Variants in MARCHF1 observed in about 807,000 individuals in gnomAD.
MARCHF1 encodes the protein E3 ubiquitin-protein ligase MARCHF1.
MARCHF1 carries 40 observed loss-of-function variants against 54.2 expected under a neutral mutation model. The observed-to-expected ratio is 0.74, with a 90% confidence interval of 0.57 to 0.96. The LOEUF is 0.96. Among genes scored for constraint, MARCHF1 ranks in the 40% least tolerant of loss-of-function variants. The probability of loss-of-function intolerance (pLI) is 0.00; values close to 1 mark genes in which losing one functional copy is unlikely to be tolerated. For missense variants in MARCHF1, 586 were observed against 656.5 expected (o/e 0.89, Z 1.17); for synonymous variants, 236 against 236.3 (o/e 1.00, Z 0.01).
intron 1 of MARCHF1, among the ~76,000 whole-genome samples, chr4:164,202,965 C>G (rs1731495572): frequency 6.6e-6 from 1 of 152,080 alleles, no homozygotes; most frequent in Non-Finnish European, 1.5e-5. Context: ...TGTACACACA[C>G]ATATGTACAA....
intron 1 of MARCHF1, among the ~76,000 whole-genome samples, chr4:164,199,398 T>C (rs1263490530): frequency 6.6e-6 from 1 of 152,112 alleles, no homozygotes; most frequent in Non-Finnish European, 1.5e-5. Flanking sequence ...TCCCAGCACT[T>C]TGGAAAGCCA....
chr4:163,569,152 T>A (rs186163197), intron 8 of MARCHF1, among the ~76,000 whole-genome samples: 1 of 152,226 alleles, frequency 6.6e-6, no homozygotes, highest in Non-Finnish European at 1.5e-5. Flanking sequence ...GTACACGGTC[T>A]TTTGGAACAC....
At chr4:164,198,542 T>G (rs1224661115) in intron 1 of MARCHF1, among the ~76,000 whole-genome samples, 2 of 152,224 alleles carry the variant, frequency 1.3e-5, no homozygotes, top group African/African-American at 4.8e-5. Context: ...TGACAAAATA[T>G]GCTATATTAA....
At chr4:164,020,931 G>A (rs907488819) in intron 2 of MARCHF1, among the ~76,000 whole-genome samples, 7 of 152,154 alleles carry the variant, frequency 4.6e-5, no homozygotes, top group Non-Finnish European at 5.9e-5. Context: ...TAGTGACTAC[G>A]GTTAAGGCTT....
chr4:164,106,763 TAATAAAAATAAAA>T (rs1441391013), intron 2 of MARCHF1, among the ~76,000 whole-genome samples: 2 of 49,930 alleles, frequency 4.0e-5, no homozygotes, highest in South Asian at 5.6e-4. Flanking sequence ...ACTTGAAGTA[TAATAAAAATAAAA>T]AATAAAAAAA....
chr4:163,599,297 T>TTATATATATATATATATATATATGTATA (rs150458467), intron 7 of MARCHF1, among the ~76,000 whole-genome samples: 67 of 146,752 alleles, frequency 4.6e-4, no homozygotes, highest in African/African-American at 1.6e-3. Flanking sequence ...CTCAAAAAAA[T>TTATATATATATATATATATATATGTATA]TATATATATA....
chr4:163,952,071 C>G (rs918672591), intron 3 of MARCHF1, among the ~76,000 whole-genome samples: 1 of 152,164 alleles, frequency 6.6e-6, no homozygotes, highest in African/African-American at 2.4e-5. Context: ...TCTCCTACCC[C>G]CTTAAGACTC....
chr4:163,562,127 T>C (rs747909354), intron 8 of MARCHF1, among the ~76,000 whole-genome samples: 5 of 151,884 alleles, frequency 3.3e-5, no homozygotes, highest in Admixed American at 6.6e-5. Context: ...TGAAACCCCG[T>C]CTCTACTAAA....
At chr4:164,111,373 A>C (rs1462859235) in intron 2 of MARCHF1, among the ~76,000 whole-genome samples, 2 of 151,794 alleles carry the variant, frequency 1.3e-5, no homozygotes, top group East Asian at 3.9e-4. Context: ...TGCCCAGTAG[A>C]TACAAGGAAA....
chr4:164,370,172 A>G (rs1730996853), intron 1 of MARCHF1, among the ~76,000 whole-genome samples: 1 of 152,188 alleles, frequency 6.6e-6, no homozygotes, highest in African/African-American at 2.4e-5. Context: ...ATGCCTTCCA[A>G]TCTCAACAGA....
chr4:164,101,557 C>T (rs1755561470), intron 2 of MARCHF1, among the ~76,000 whole-genome samples: 1 of 130,978 alleles, frequency 7.6e-6, no homozygotes, highest in African/African-American at 2.8e-5. Flanking sequence ...AGGGTCCTCT[C>T]TGTTAGAAGG....
At chr4:164,123,970 T>C (rs1212892121) in intron 1 of MARCHF1, among the ~76,000 whole-genome samples, 4 of 151,752 alleles carry the variant, frequency 2.6e-5, no homozygotes, top group Non-Finnish European at 5.9e-5. Flanking sequence ...AGACAATCCA[T>C]AGAATGGAAG....
chr4:164,163,070 G>T (rs370612452), intron 1 of MARCHF1, among the ~76,000 whole-genome samples: 2 of 151,918 alleles, frequency 1.3e-5, no homozygotes, highest in East Asian at 1.9e-4. Flanking sequence ...GAACATTTCA[G>T]AAAAAGACAA....
intron 4 of MARCHF1, among the ~76,000 whole-genome samples, chr4:163,724,681 G>C (rs907109668): frequency 4.6e-5 from 7 of 152,144 alleles, no homozygotes; most frequent in African/African-American, 1.7e-4. Flanking sequence ...CTGCCACTTT[G>C]TTTACCTACT....
chr4:163,716,415 G>A (rs10019891), intron 4 of MARCHF1, among the ~76,000 whole-genome samples: 71,908 of 151,966 alleles, frequency 0.47, 17,085 homozygotes, highest in Admixed American at 0.51. Context: ...ACATTCTTAG[G>A]TGTTGATGCT....
chr4:163,789,631 T>G (rs1308415431), intron 4 of MARCHF1, among the ~76,000 whole-genome samples: 1 of 152,054 alleles, frequency 6.6e-6, no homozygotes, highest in Non-Finnish European at 1.5e-5. Flanking sequence ...AAGTCTGTGG[T>G]GGGGCATAAA....
intron 1 of MARCHF1, among the ~76,000 whole-genome samples, chr4:164,339,573 T>C (rs113444163): frequency 2.2e-4 from 34 of 152,084 alleles, no homozygotes; most frequent in African/African-American, 7.5e-4. Context: ...GCAAAAGCAG[T>C]TATAAGAGGG....
intron 3 of MARCHF1, among the ~76,000 whole-genome samples, chr4:163,884,545 A>G (rs1302236940): frequency 6.6e-6 from 1 of 152,128 alleles, no homozygotes; most frequent in Non-Finnish European, 1.5e-5. Context: ...TGTTCCTAGT[A>G]ACATTTAATG....
At position 164,078,673 on chromosome 4, in the gene MARCHF1, T is replaced by C. The variant is rs1456948156; in HGVS notation, c.-248+32915A>G. Among the ~76,000 whole-genome samples, 4 of 152,206 alleles carry C rather than the reference T, an allele frequency of 2.6e-5. No homozygotes were observed. In the East Asian group the frequency reaches 7.7e-4, roughly 29 times the overall value. On this transcript the variant is annotated intron_variant, in intron 2 of 9. Coordinates refer to ENST00000514618, the MANE Select transcript of MARCHF1 (RefSeq NM_001394959.1). ...AACTACATAGAACTTCTAGAAATAC[T>C]AGAACTGAAGTTAAAATTTCAAGAA...
Sources: allele counts gnomAD v4.1 joint callset (sites outside exome capture counted in the v4.1 genomes callset), GRCh38; gene constraint gnomAD v4.1.1; transcripts MANE v1.5; gene names NCBI Gene and HGNC (gene_info 2026-07-23, HGNC 2026-07-21).